TEAD1: variants seen among roughly 807,000 people sequenced by gnomAD.
TEAD1 encodes TEA domain transcription factor 1.
Under a neutral mutation model 54.9 loss-of-function variants are expected in TEAD1, and 9 were observed. That is an observed-to-expected ratio of 0.16 (90% CI 0.10 to 0.29). The LOEUF is 0.29. TEAD1 is among the 10% of genes least tolerant of loss of function. The probability of loss-of-function intolerance (pLI) is 1.00; values close to 1 mark genes in which losing one functional copy is unlikely to be tolerated. For synonymous variants in TEAD1, 200 were observed against 187.8 expected, an observed-to-expected ratio of 1.07 and a Z score of -0.53; for missense variants, 387 against 535.9, an observed-to-expected ratio of 0.72 and a Z score of 2.74.
chr11:12,708,557 A>C (rs1943868284), intron 2 of TEAD1, among the ~76,000 whole-genome samples: 2 of 152,120 alleles, frequency 1.3e-5, no homozygotes, highest in African/African-American at 4.8e-5. Flanking sequence ...GCATTTTGGC[A>C]GTGGGGATTA....
At chr11:12,892,100 T>C (rs1227539624) in intron 9 of TEAD1, among the ~76,000 whole-genome samples, 1 of 152,226 alleles carries the variant, frequency 6.6e-6, no homozygotes, top group Non-Finnish European at 1.5e-5. Flanking sequence ...ATAACATGAT[T>C]CTTTCTCGTA....
At chr11:12,886,301 C>G (rs1948085839) in intron 9 of TEAD1, among the ~76,000 whole-genome samples, 1 of 152,162 alleles carries the variant, frequency 6.6e-6, no homozygotes, top group Non-Finnish European at 1.5e-5. Flanking sequence ...ATCTGGCCTG[C>G]TGTTGTTGAA....
chr11:12,915,277 C>T (rs191669106), intron 10 of TEAD1, among the ~76,000 whole-genome samples: 44 of 152,248 alleles, frequency 2.9e-4, no homozygotes, highest in African/African-American at 7.0e-4. Context: ...ATGCTGCCAC[C>T]GCGTGAGCTG....
At chr11:12,681,627 A>T (rs774116035) in intron 2 of TEAD1, among the ~76,000 whole-genome samples, 49 of 152,242 alleles carry the variant, frequency 3.2e-4, no homozygotes, top group African/African-American at 1.1e-3. Flanking sequence ...TGCACTTAGT[A>T]GGTGGCTCAG....
intron 2 of TEAD1, among the ~76,000 whole-genome samples, chr11:12,737,212 A>G (rs1032628025): frequency 6.6e-6 from 1 of 152,114 alleles, no homozygotes; most frequent in Admixed American, 6.5e-5. Flanking sequence ...ATCTTATCTT[A>G]CCTAGCCCAA....
chr11:12,722,284 C>G (rs1014628854), intron 2 of TEAD1, among the ~76,000 whole-genome samples: 1 of 152,186 alleles, frequency 6.6e-6, no homozygotes, highest in Non-Finnish European at 1.5e-5. Flanking sequence ...GTCATCTCCT[C>G]AGTAAATGGA....
Position 12,937,336 on chromosome 11 carries a change from G to T in TEAD1, c.*114G>T. 1.1e-6 allele frequency: 1 copy of T among 918,518 alleles called. No individual in the cohort carries two copies. The highest frequency in any genetic ancestry group is 1.7e-6 in the Non-Finnish European group (1 of 587,554). The allele number at this position is 918,518 out of a possible 1,614,324, so 56.9% of individuals were successfully genotyped here. On this transcript the variant is annotated 3_prime_UTR_variant, in exon 13 of 13. Coordinates refer to ENST00000527636, the MANE Select transcript of TEAD1 (RefSeq NM_021961.6). ...TGTAAACCTCACCACACAGGGTGGT[G>T]CCCTGGCCCCGAGGTCACCCCGACT... is the stretch of plus-strand genomic sequence containing the variant.
chr11:12,816,292 C>T (rs1946413711), intron 3 of TEAD1, among the ~76,000 whole-genome samples: 1 of 152,218 alleles, frequency 6.6e-6, no homozygotes, highest in South Asian at 2.1e-4. Flanking sequence ...ACTAGGCCCT[C>T]TGGAAATCCC....
rs373061104 is a variant in TEAD1 at position 12,876,511 on chromosome 11, A to T, written c.331-3197A>T. On this transcript the variant is annotated intron_variant, in intron 5 of 12. Transcript: ENST00000527636. ...CTTCGGGTCTGTGAGAGGATCCACG[A>T]TGTTCTTCTGGAATGGAGCCAAGCC... 7.9e-5 allele frequency among the ~76,000 whole-genome samples: 12 copies of T among 152,220 alleles called. No individual in the cohort carries two copies. The South Asian group carries it at 2.5e-3, about 32-fold the overall frequency.
At position 12,802,750 on chromosome 11, in the gene TEAD1, C is replaced by T. The variant is rs151334727; in HGVS notation, c.202+38316C>T. 3.5e-3 allele frequency among the ~76,000 whole-genome samples: 528 copies of T among 152,284 alleles called. 5 individuals are homozygous for T. Among genetic ancestry groups the T allele is most frequent in the Non-Finnish European group, 5.9e-3 (404 of 68,012 alleles). ...CCAGATATGAGCGATGTGCCGATTGCGCAAGGCTGGAAGCATTGCTCACTC... is the reference window on the plus strand; with the variant it reads ...CCAGATATGAGCGATGTGCCGATTGTGCAAGGCTGGAAGCATTGCTCACTC... On this transcript the variant is annotated intron_variant, in intron 3 of 12. Coordinates refer to ENST00000527636, the MANE Select transcript of TEAD1 (RefSeq NM_021961.6).
intron 2 of TEAD1, among the ~76,000 whole-genome samples, chr11:12,687,265 T>A (rs763164866): frequency 2.0e-5 from 3 of 152,184 alleles, no homozygotes; most frequent in Non-Finnish European, 4.4e-5. Flanking sequence ...GGAAAACTTA[T>A]CTTATCATAC....
chr11:12,881,620 G>C (rs1039435078), intron 7 of TEAD1, among the ~76,000 whole-genome samples: 2 of 152,208 alleles, frequency 1.3e-5, no homozygotes, highest in African/African-American at 4.8e-5. Flanking sequence ...CTTGACCTCA[G>C]AGGTTCAAAG....
chr11:12,766,553 A>G (rs867984282), intron 3 of TEAD1, among the ~76,000 whole-genome samples: 4 of 152,134 alleles, frequency 2.6e-5, no homozygotes, highest in South Asian at 2.1e-4. Context: ...GGACTCTTCC[A>G]TTTTGTGATG....
At chr11:12,801,882 A>G (rs1946067025) in intron 3 of TEAD1, among the ~76,000 whole-genome samples, 1 of 152,152 alleles carries the variant, frequency 6.6e-6, no homozygotes, top group African/African-American at 2.4e-5. Flanking sequence ...AAATCACTTG[A>G]TTTTGTTGTG....
At chr11:12,835,991 C>T (rs570065115) in intron 3 of TEAD1, among the ~76,000 whole-genome samples, 15 of 152,096 alleles carry the variant, frequency 9.9e-5, no homozygotes, top group African/African-American at 7.2e-5. Context: ...TAAATGTTCT[C>T]GTCACAAAGA....
chr11:12,772,489 G>T (rs553139996), intron 3 of TEAD1, among the ~76,000 whole-genome samples: 68 of 152,320 alleles, frequency 4.5e-4, no homozygotes, highest in African/African-American at 1.6e-3. Context: ...GAAGGTTATT[G>T]TGGGCTTTTG....
At chr11:12,806,893 C>T (rs113858509) in intron 3 of TEAD1, among the ~76,000 whole-genome samples, 307 of 152,214 alleles carry the variant, frequency 2.0e-3, no homozygotes, top group African/African-American at 6.4e-3. Context: ...AACAATCAAA[C>T]GAATTGGTAG....
At chr11:12,827,072 T>TA in intron 3 of TEAD1, among the ~76,000 whole-genome samples, 1 of 152,192 alleles carries the variant, frequency 6.6e-6, no homozygotes, top group Non-Finnish European at 1.5e-5. Flanking sequence ...ATTCTGTTGT[T>TA]ATTGTTTTTA....
chr11:12,897,392 A>G (rs1025017369), intron 9 of TEAD1, among the ~76,000 whole-genome samples: 1 of 152,218 alleles, frequency 6.6e-6, no homozygotes, highest in Non-Finnish European at 1.5e-5. Flanking sequence ...TGAACCCAAC[A>G]TACAGATTTC....
Sources: gnomAD v4.1 joint callset for allele counts (sites outside exome capture counted in the v4.1 genomes callset) on GRCh38, gnomAD v4.1.1 for gene constraint, MANE v1.5 for transcripts, NCBI Gene and HGNC (gene_info 2026-07-23, HGNC 2026-07-21) for gene names.